MBD5: variants seen among roughly 807,000 people sequenced by gnomAD.
MBD5 encodes the protein methyl-CpG binding domain protein 5.
MBD5 carries 13 observed loss-of-function variants against 117.3 expected under a neutral mutation model. That is an observed-to-expected ratio of 0.11 (90% CI 0.07 to 0.18). The LOEUF (loss-of-function observed/expected upper bound fraction) is 0.18, where lower values mean the gene tolerates loss of function less well. Among genes scored for constraint, MBD5 ranks in the 10% least tolerant of loss-of-function variants. The probability of loss-of-function intolerance (pLI) is 1.00; values close to 1 mark genes in which losing one functional copy is unlikely to be tolerated. For missense variants in MBD5, 1,879 were observed against 2,093.8 expected (o/e 0.90, Z 2.00); for synonymous variants, 727 against 766.4 (o/e 0.95, Z 0.85).
rs150275015 is a variant in MBD5, at chr2:148,040,390, A to G, written c.-925+18706A>G. On this transcript the variant is annotated intron_variant, in intron 1 of 13. Transcript: ENST00000642680. ...GGTAGATAATATCTTCTTTAAAATTATAAATAATGTCATGTTCATTAAATC... is the reference window on the plus strand; with the variant it reads ...GGTAGATAATATCTTCTTTAAAATTGTAAATAATGTCATGTTCATTAAATC... Among the ~76,000 whole-genome samples the G allele has an allele frequency of 7.8e-4, 119 of 152,218 alleles. 1 individual carries two copies. Among genetic ancestry groups the G allele is most frequent in the African/African-American group, 2.8e-3 (115 of 41,540 alleles).
intron 2 of MBD5, among the ~76,000 whole-genome samples, chr2:148,228,065 A>T (rs1442469942): frequency 6.6e-6 from 1 of 152,200 alleles, no homozygotes; most frequent in Non-Finnish European, 1.5e-5. Context: ...AACAGGGATG[A>T]TTTGACTTCC....
intron 8 of MBD5, among the ~76,000 whole-genome samples, chr2:148,482,487 A>C (rs1681189269): frequency 6.6e-6 from 1 of 152,152 alleles, no homozygotes; most frequent in Non-Finnish European, 1.5e-5. Context: ...TGTAACATAT[A>C]TATGCATATG....
In MBD5 at chr2:148,187,723, GA is replaced by G. The variant is rs543798927; in HGVS notation, c.-831+8940del. On this transcript the variant is annotated intron_variant, in intron 2 of 13. Transcript: ENST00000642680. The stretch of plus-strand genomic sequence containing the variant: ...AACATCTAAAATGATGACATTTTCA[GA>G]AAAAAAAAATCCACTGAGAGAATTC... Among the ~76,000 whole-genome samples, 33 of 148,278 alleles carry G rather than the reference GA, an allele frequency of 2.2e-4. 1 individual carries two copies. The highest frequency in any genetic ancestry group is 1.8e-3 in the Admixed American group (27 of 14,844).
At chr2:148,409,707 G>A (rs184247122) in intron 4 of MBD5, among the ~76,000 whole-genome samples, 16 of 152,080 alleles carry the variant, frequency 1.1e-4, no homozygotes, top group South Asian at 4.2e-4. Flanking sequence ...GGCCAACCAG[G>A]GAAGAAAATC....
intron 3 of MBD5, among the ~76,000 whole-genome samples, chr2:148,257,057 A>G (rs1235477567): frequency 1.3e-5 from 2 of 152,212 alleles, no homozygotes; most frequent in Admixed American, 1.3e-4. Context: ...GAAGGGTGGC[A>G]TATATAGCTG....
chr2:148,423,428 G>C (rs1445807737), intron 4 of MBD5, among the ~76,000 whole-genome samples: 1 of 151,836 alleles, frequency 6.6e-6, no homozygotes, highest in South Asian at 2.1e-4. Context: ...TTTCAACCCA[G>C]AATTTCATAT....
intron 3 of MBD5, among the ~76,000 whole-genome samples, chr2:148,308,009 T>A (rs183298869): frequency 9.2e-5 from 14 of 152,344 alleles, no homozygotes; most frequent in Admixed American, 8.5e-4. Context: ...CCATGGTGTA[T>A]ATATGCCACA....
At chr2:148,124,337 T>G (rs1290396982) in intron 1 of MBD5, among the ~76,000 whole-genome samples, 3 of 151,754 alleles carry the variant, frequency 2.0e-5, no homozygotes, top group Admixed American at 1.3e-4. Context: ...CCCTGAAGGT[T>G]GGGCACATTT....
chr2:148,294,966 AC>A (rs1372008017), intron 3 of MBD5, among the ~76,000 whole-genome samples: 1 of 152,100 alleles, frequency 6.6e-6, no homozygotes, highest in African/African-American at 2.4e-5. Flanking sequence ...TTTTTCTCTT[AC>A]TGCGTTCAAG....
chr2:148,215,541 G>A (rs940949099), intron 2 of MBD5, among the ~76,000 whole-genome samples: 10 of 151,738 alleles, frequency 6.6e-5, no homozygotes, highest in African/African-American at 2.2e-4. Context: ...GGTTGTGGGC[G>A]GGGTTTTTTT....
chr2:148,151,834 C>T (rs13022533), intron 1 of MBD5, among the ~76,000 whole-genome samples: 68,509 of 151,004 alleles, frequency 0.45, 15,609 homozygotes, highest in Middle Eastern at 0.56. Context: ...TTCTCTCTTT[C>T]TTTCTTTATT....
chr2:148,479,347 T>C (rs1364905869), intron 8 of MBD5, among the ~76,000 whole-genome samples: 1 of 152,142 alleles, frequency 6.6e-6, no homozygotes, highest in African/African-American at 2.4e-5. Flanking sequence ...CACAAACGGG[T>C]GGTATTCTTT....
At chr2:148,431,319 A>G (rs962622637) in intron 4 of MBD5, among the ~76,000 whole-genome samples, 1 of 152,150 alleles carries the variant, frequency 6.6e-6, no homozygotes, top group African/African-American at 2.4e-5. Context: ...GTCTCATACC[A>G]CTTTGGAAAC....
chr2:148,164,128 A>G (rs1393003953), intron 1 of MBD5, among the ~76,000 whole-genome samples: 1 of 152,216 alleles, frequency 6.6e-6, no homozygotes, highest in Non-Finnish European at 1.5e-5. Context: ...GCTAGTAAGA[A>G]CTTCATTTAA....
At chr2:148,226,451 T>C (rs1699823369) in intron 2 of MBD5, among the ~76,000 whole-genome samples, 4 of 152,218 alleles carry the variant, frequency 2.6e-5, no homozygotes, top group Admixed American at 1.3e-4. Flanking sequence ...CTCATCATTT[T>C]TTATGGCTGC....
At chr2:148,456,270 G>A (rs1706879866) in intron 4 of MBD5, among the ~76,000 whole-genome samples, 1 of 152,140 alleles carries the variant, frequency 6.6e-6, no homozygotes, top group Non-Finnish European at 1.5e-5. Flanking sequence ...TCTGGTAAGG[G>A]ACTACTTTCT....
At chr2:148,132,548 A>G (rs1292220287) in intron 1 of MBD5, among the ~76,000 whole-genome samples, 1 of 152,078 alleles carries the variant, frequency 6.6e-6, no homozygotes, top group Non-Finnish European at 1.5e-5. Flanking sequence ...TTAAAAAGGA[A>G]TCCTCATACA....
chr2:148,393,326 C>G (rs1465230788), intron 4 of MBD5: 1 of 152,076 alleles, frequency 6.6e-6, no homozygotes, highest in Non-Finnish European at 1.5e-5. Context: ...CTTCAACTAC[C>G]TACAATGAAG....
chr2:148,188,636 T>G (rs1698731937), intron 2 of MBD5, among the ~76,000 whole-genome samples: 1 of 148,692 alleles, frequency 6.7e-6, no homozygotes, highest in Non-Finnish European at 1.5e-5. Flanking sequence ...TGAGCCATGA[T>G]TGCGCCACTG....
Sources: allele counts gnomAD v4.1 joint callset (sites outside exome capture counted in the v4.1 genomes callset), GRCh38; gene constraint gnomAD v4.1.1; transcripts MANE v1.5; gene names NCBI Gene and HGNC (gene_info 2026-07-23, HGNC 2026-07-21).